Variants in ROBO2 observed in about 807,000 individuals in gnomAD.
ROBO2 encodes the protein roundabout homolog 2.
In ROBO2, 53 loss-of-function variants were observed where a neutral mutation model predicts 160.8. That is an observed-to-expected ratio of 0.33 (90% confidence interval 0.26 to 0.41). The LOEUF is 0.41. Among genes scored for constraint, ROBO2 ranks in the 10% least tolerant of loss-of-function variants. The pLI, the probability that ROBO2 is intolerant of heterozygous loss-of-function variation, is 1.00. For synonymous variants in ROBO2, 664 were observed against 611.7 expected (o/e 1.09, Z -1.26); for missense variants, 1,577 against 1,722.4 (o/e 0.92, Z 1.49).
At chr3:77,644,852 T>C in exon 25 of ROBO2, 1 of 1,614,088 alleles carries the variant, frequency 6.2e-7, no homozygotes. Context: ...GCGACCTTCT[T>C]GACATAGGAT....
At chr3:76,399,490 T>C (rs935868727) in intron 2 of ROBO2, among the ~76,000 whole-genome samples, 2 of 151,796 alleles carry the variant, frequency 1.3e-5, no homozygotes, top group Non-Finnish European at 2.9e-5. Context: ...ATGCCTGCTT[T>C]AGTACCCCTA....
intron 2 of ROBO2, among the ~76,000 whole-genome samples, chr3:76,328,795 C>T (rs1338766089): frequency 6.6e-6 from 1 of 151,718 alleles, no homozygotes. Flanking sequence ...GGAGGCGGAC[C>T]TTGCAGTGAG....
In ROBO2 at chr3:77,293,480, C is replaced by A. The variant is rs1302331533; in HGVS notation, c.389-183934C>A. 4.0e-4 allele frequency among the ~76,000 whole-genome samples: 59 copies of A among 145,806 alleles called. 1 individual carries two copies. The highest frequency in any genetic ancestry group is 6.1e-4 in the Non-Finnish European group (41 of 67,668). ...TAAAATTGACGGTTAAATGGGTAAG[C>A]TGAGGCTAGATCACCCCAGACATAA... On this transcript the variant is annotated intron_variant, in intron 2 of 25. Coordinates refer to ENST00000461745, the Ensembl canonical transcript of ROBO2.
chr3:75,951,490 G>T (rs528329076), intron 2 of ROBO2, among the ~76,000 whole-genome samples: 10 of 152,114 alleles, frequency 6.6e-5, no homozygotes, highest in Admixed American at 2.0e-4. Context: ...AATTTGGCTT[G>T]TAGGCCCATA....
chr3:77,564,310 G>A (rs2093418936), intron 11 of ROBO2: 1 of 336,870 alleles, frequency 3.0e-6, no homozygotes, highest in Non-Finnish European at 5.9e-6. Flanking sequence ...GTGGCTGGCT[G>A]TAAATGGGTC....
chr3:77,497,422 C>G (rs2086942249), intron 5 of ROBO2, among the ~76,000 whole-genome samples: 1 of 152,058 alleles, frequency 6.6e-6, no homozygotes, highest in African/African-American at 2.4e-5. Flanking sequence ...TTGGGTTTAC[C>G]TACATTTAGT....
At chr3:76,167,481 T>C (rs550172734) in intron 2 of ROBO2, among the ~76,000 whole-genome samples, 6 of 152,332 alleles carry the variant, frequency 3.9e-5, no homozygotes, top group African/African-American at 4.8e-5. Flanking sequence ...TCGGTGTCCA[T>C]GTTATCTTGT....
intron 2 of ROBO2, among the ~76,000 whole-genome samples, chr3:76,774,533 A>G (rs1363664089): frequency 1.3e-5 from 2 of 150,860 alleles, no homozygotes; most frequent in Admixed American, 1.3e-4. Context: ...GATAGAAAGC[A>G]TGATTTGTAT....
intron 2 of ROBO2, among the ~76,000 whole-genome samples, chr3:77,205,607 G>A (rs1455167489): frequency 3.3e-5 from 5 of 151,904 alleles, no homozygotes; most frequent in Non-Finnish European, 7.4e-5. Flanking sequence ...CTTGAGGGTG[G>A]GGCCTTTGCA....
intron 2 of ROBO2, among the ~76,000 whole-genome samples, chr3:76,562,791 T>C (rs1419622406): frequency 6.6e-6 from 1 of 152,214 alleles, no homozygotes; most frequent in African/African-American, 2.4e-5. Context: ...ATTCTACCTT[T>C]ATTCTTTTTC....
chr3:77,511,747 A>G (rs1473551855), intron 5 of ROBO2, among the ~76,000 whole-genome samples: 6 of 151,992 alleles, frequency 3.9e-5, no homozygotes, highest in Admixed American at 3.3e-4. Flanking sequence ...TAAGGATGCC[A>G]TCATATTTCA....
chr3:76,238,533 A>G (rs1267180880), intron 2 of ROBO2, among the ~76,000 whole-genome samples: 1 of 151,444 alleles, frequency 6.6e-6, no homozygotes, highest in Non-Finnish European at 1.5e-5. Context: ...CCATGATGTA[A>G]TCACCTCCCC....
At chr3:76,845,459 G>A (rs534635646) in intron 2 of ROBO2, among the ~76,000 whole-genome samples, 1 of 151,930 alleles carries the variant, frequency 6.6e-6, no homozygotes, top group African/African-American at 2.4e-5. Flanking sequence ...TAATCGAACT[G>A]GGGATCTTTA....
intron 2 of ROBO2, among the ~76,000 whole-genome samples, chr3:77,204,475 T>C (rs1289232813): frequency 6.6e-6 from 1 of 152,204 alleles, no homozygotes; most frequent in Non-Finnish European, 1.5e-5. Flanking sequence ...TATGATGCAT[T>C]TATGGCAAGA....
intron 2 of ROBO2, among the ~76,000 whole-genome samples, chr3:75,938,688 T>G (rs1947903460): frequency 6.6e-6 from 1 of 152,146 alleles, no homozygotes; most frequent in South Asian, 2.1e-4. Flanking sequence ...GCAGTTTTCT[T>G]GCCATATGTA....
intron 2 of ROBO2, among the ~76,000 whole-genome samples, chr3:76,600,479 T>C (rs563027188): frequency 1.1e-3 from 169 of 152,300 alleles, no homozygotes; most frequent in Non-Finnish European, 1.7e-3. Flanking sequence ...TAGTTCCACA[T>C]GGCTCGGAAG....
At chr3:76,475,954 A>G (rs922779123) in intron 2 of ROBO2, among the ~76,000 whole-genome samples, 9 of 152,124 alleles carry the variant, frequency 5.9e-5, no homozygotes, top group African/African-American at 2.2e-4. Flanking sequence ...GGAGTTCAAG[A>G]CCAGCCTGGC....
chr3:77,397,863 C>T (rs1192836309), intron 2 of ROBO2, among the ~76,000 whole-genome samples: 3 of 151,474 alleles, frequency 2.0e-5, no homozygotes, highest in Non-Finnish European at 2.9e-5. Context: ...TCTGCAAAAC[C>T]GTTTATTTAC....
At chr3:76,767,452 T>C (rs2061637472) in intron 2 of ROBO2, among the ~76,000 whole-genome samples, 1 of 151,600 alleles carries the variant, frequency 6.6e-6, no homozygotes, top group Non-Finnish European at 1.5e-5. Flanking sequence ...ATGTACATTG[T>C]AATTTACAAT....
Sources: gnomAD v4.1 joint callset for allele counts (sites outside exome capture counted in the v4.1 genomes callset) on GRCh38, gnomAD v4.1.1 for gene constraint, MANE v1.5 for transcripts, NCBI Gene and HGNC (gene_info 2026-07-23, HGNC 2026-07-21) for gene names.